The following MGAT5 variants were observed in gnomAD, a reference collection of about 807,000 sequenced individuals.
MGAT5 encodes alpha-1,6-mannosylglycoprotein 6-beta-N-acetylglucosaminyltransferase.
In MGAT5, 30 loss-of-function variants were observed where a neutral mutation model predicts 94.3. The ratio of observed to expected loss-of-function variants is 0.32; its 90% CI spans 0.24 to 0.43. MGAT5 has a LOEUF of 0.43. Among genes scored for constraint, MGAT5 ranks in the 20% least tolerant of loss-of-function variants. The pLI is 1.00. For missense variants in MGAT5, 691 were observed against 905.5 expected (o/e 0.76, Z 3.04); for synonymous variants, 310 against 322.9 (o/e 0.96, Z 0.43).
At chr2:134,403,857 G>A (rs894072305) in intron 11 of MGAT5, among the ~76,000 whole-genome samples, 5 of 152,372 alleles carry the variant, frequency 3.3e-5, no homozygotes, top group Middle Eastern at 3.4e-3. Flanking sequence ...TTCACACCAT[G>A]TGGTGGAGGT....
chr2:134,415,470 G>GT (rs1297897367), intron 12 of MGAT5, among the ~76,000 whole-genome samples: 1 of 152,136 alleles, frequency 6.6e-6, no homozygotes, highest in Non-Finnish European at 1.5e-5. Flanking sequence ...GATTGGTTGG[G>GT]TTTTTTCCGC....
At chr2:134,218,428 G>A (rs956274811) in intron 1 of MGAT5, among the ~76,000 whole-genome samples, 2 of 152,176 alleles carry the variant, frequency 1.3e-5, no homozygotes, top group Middle Eastern at 3.2e-3. Context: ...GAGTTGGGTC[G>A]TTCTTTTAGT....
chr2:134,233,140 T>C (rs1195175239), intron 1 of MGAT5, among the ~76,000 whole-genome samples: 1 of 152,226 alleles, frequency 6.6e-6, no homozygotes, highest in Non-Finnish European at 1.5e-5. Context: ...TTTTTGTAGA[T>C]TGTAAAATAT....
rs1181832183 is a variant in MGAT5 at position 134,228,213 on chromosome 2, A to G, written c.-142-26049A>G. Among the ~76,000 whole-genome samples the G allele has an allele frequency of 6.6e-5, 10 of 152,158 alleles. 1 individual carries two copies. The highest frequency in any genetic ancestry group is 5.9e-4 in the Admixed American group (9 of 15,268). On this transcript the variant is annotated intron_variant, in intron 1 of 16. Coordinates refer to the MGAT5 transcript ENST00000409645. The stretch of plus-strand genomic sequence containing the variant: ...ACTGTGTGTGTTTAGGAAGGTAGAA[A>G]AGAATGGGTGCAGTGGAAAGTAAGG...
At chr2:134,266,964 T>A (rs1034871745) in intron 1 of MGAT5, among the ~76,000 whole-genome samples, 1 of 152,192 alleles carries the variant, frequency 6.6e-6, no homozygotes, top group Non-Finnish European at 1.5e-5. Context: ...GTCTTAATTT[T>A]AAAAAAATCT....
intron 1 of MGAT5, among the ~76,000 whole-genome samples, chr2:134,233,986 G>A (rs1681502757): frequency 6.6e-6 from 1 of 152,228 alleles, no homozygotes; most frequent in African/African-American, 2.4e-5. Flanking sequence ...CAGCTGAGAA[G>A]CTGCCTTCTG....
At chr2:134,215,363 T>C (rs1210120378) in intron 1 of MGAT5, among the ~76,000 whole-genome samples, 1 of 151,846 alleles carries the variant, frequency 6.6e-6, no homozygotes, top group Non-Finnish European at 1.5e-5. Flanking sequence ...AGAAAAGAGG[T>C]TTGTTTGTTT....
At chr2:134,185,473 G>T (rs140626312) in intron 1 of MGAT5, among the ~76,000 whole-genome samples, 145 of 152,284 alleles carry the variant, frequency 9.5e-4, no homozygotes, top group African/African-American at 3.1e-3. Context: ...AGTGGGTTAT[G>T]TAAAGGCAGT....
intron 1 of MGAT5, among the ~76,000 whole-genome samples, chr2:134,222,667 A>C (rs1680844563): frequency 6.6e-6 from 1 of 152,220 alleles, no homozygotes; most frequent in African/African-American, 2.4e-5. Context: ...TGGGAGAGAA[A>C]AGCTTTTGTC....
intron 10 of MGAT5, among the ~76,000 whole-genome samples, chr2:134,382,415 T>C (rs4953916): frequency 0.97 from 148,138 of 152,224 alleles, 72,157 homozygotes; most frequent in East Asian, 1. Flanking sequence ...AAGACTGAGG[T>C]TGCCCAGAAT....
chr2:134,194,536 T>C (rs1679401841), intron 1 of MGAT5, among the ~76,000 whole-genome samples: 1 of 152,060 alleles, frequency 6.6e-6, no homozygotes, highest in South Asian at 2.1e-4. Context: ...GTCTGTGTGC[T>C]TTTCAGTAAT....
At chr2:134,152,990 A>C (rs1299633808) in intron 1 of MGAT5, among the ~76,000 whole-genome samples, 5 of 138,296 alleles carry the variant, frequency 3.6e-5, no homozygotes. Context: ...TGCAACCTCC[A>C]CCTCCTGAGT....
intron 1 of MGAT5, among the ~76,000 whole-genome samples, chr2:134,135,375 T>A (rs1478147651): frequency 6.6e-6 from 1 of 152,120 alleles, no homozygotes; most frequent in Non-Finnish European, 1.5e-5. Context: ...GCTGAATTAA[T>A]ACTTTTAATG....
chr2:134,265,058 G>A (rs1683623585), intron 1 of MGAT5, among the ~76,000 whole-genome samples: 1 of 152,236 alleles, frequency 6.6e-6, no homozygotes, highest in South Asian at 2.1e-4. Context: ...GTGTGTTGAA[G>A]ATGCAACCTG....
intron 1 of MGAT5, among the ~76,000 whole-genome samples, chr2:134,156,161 C>T (rs547066695): frequency 9.2e-5 from 14 of 152,290 alleles, no homozygotes; most frequent in African/African-American, 2.4e-4. Context: ...TCAGCTTGTG[C>T]GCTTCTGCAC....
At chr2:134,130,198 G>GCCCTC (rs1686066714) in intron 1 of MGAT5, among the ~76,000 whole-genome samples, 1 of 82,874 alleles carries the variant, frequency 1.2e-5, no homozygotes, top group African/African-American at 4.4e-5. Flanking sequence ...CCATGCTGGA[G>GCCCTC]CCCGCCCCGC....
chr2:134,318,883 T>C, intron 4 of MGAT5, 144 bp downstream of exon 4: 1 of 495,978 alleles, frequency 2.0e-6, no homozygotes, highest in Non-Finnish European at 3.6e-6. Flanking sequence ...TCTCCCTACC[T>C]CTCCAGGAAT....
At chr2:134,343,245 C>T (rs570725477) in intron 7 of MGAT5, among the ~76,000 whole-genome samples, 1 of 152,094 alleles carries the variant, frequency 6.6e-6, no homozygotes, top group Non-Finnish European at 1.5e-5. Context: ...CACTTAACAT[C>T]GTTGATAGGT....
At chr2:134,317,417 C>A in intron 2 of MGAT5, 112 bp from the exon 3 acceptor site, 1 of 632,716 alleles carries the variant, frequency 1.6e-6, no homozygotes, top group Non-Finnish European at 2.5e-6. Flanking sequence ...GCATGGCTGC[C>A]AACAGAGACC....
Sources: allele counts gnomAD v4.1 joint callset (sites outside exome capture counted in the v4.1 genomes callset), GRCh38; gene constraint gnomAD v4.1.1; transcripts MANE v1.5; gene names NCBI Gene and HGNC (gene_info 2026-07-23, HGNC 2026-07-21).